The following TSC2 variants were observed in gnomAD, a reference collection of about 807,000 sequenced individuals.
The protein encoded by TSC2 is tuberin.
TSC2 carries 29 observed loss-of-function variants against 202.2 expected under a neutral mutation model. That is an observed-to-expected ratio of 0.14 (90% CI 0.11 to 0.20). The LOEUF (loss-of-function observed/expected upper bound fraction) is 0.20. Among genes scored for constraint, TSC2 ranks in the 10% least tolerant of loss-of-function variants. The pLI, the probability that TSC2 is intolerant of heterozygous loss-of-function variation, is 1.00. For missense variants in TSC2, 2,429 were observed against 2,420.0 expected (o/e 1.00, Z -0.08); for synonymous variants, 1,349 against 1,044.0 (o/e 1.29, Z -5.63).
intron 22 of TSC2, 77 bp downstream of exon 22, chr16:2,074,466 C>T (rs1298293730): frequency 9.7e-6 from 15 of 1,552,226 alleles, no homozygotes; most frequent in Non-Finnish European, 1.3e-5. Flanking sequence ...CTGGTGCCCT[C>T]TCTCAGGACT....
At chr16:2,074,026 C>T (rs2088884441) in intron 21 of TSC2, among the ~76,000 whole-genome samples, 174 bp from the exon 22 acceptor site, 1 of 152,276 alleles carries the variant, frequency 6.6e-6, no homozygotes, top group South Asian at 2.1e-4. Context: ...CCGGAGCAGT[C>T]TGCTGTGCAG....
At chr16:2,058,570 T>C (rs926180130) in intron 9 of TSC2, among the ~76,000 whole-genome samples, 177 bp from the exon 10 acceptor site, 1 of 152,046 alleles carries the variant, frequency 6.6e-6, no homozygotes, top group Admixed American at 6.5e-5. Flanking sequence ...TGCGCAGGAG[T>C]GAACAAGAGT....
intron 38 of TSC2, among the ~76,000 whole-genome samples, chr16:2,087,545 C>T (rs569320625): frequency 8.4e-4 from 127 of 151,552 alleles, no homozygotes; most frequent in African/African-American, 2.5e-3. Flanking sequence ...ATGGGGTGCA[C>T]GGCTCACTTC....
rs147719291 is a variant in TSC2 at position 2,084,438 on chromosome 16, G to A, written c.4216G>A (p.Asp1406Asn). 53 of 1,609,344 alleles carry A rather than the reference G, an allele frequency of 3.3e-5. No individual in the cohort carries two copies. The highest frequency in any genetic ancestry group is 1.8e-4 in the Admixed American group (11 of 59,708). Reference sequence around the variant, plus strand: ...CCTCGGGGACCCTGGGGACAAGGCCGACGTGGGCCGGCTGAGCCCTGAGGT... The same window carrying A: ...CCTCGGGGACCCTGGGGACAAGGCCAACGTGGGCCGGCTGAGCCCTGAGGT... ...DILGDPGDKA[D>N]VGRLSPEVKA... The change falls in exon 34 of 42, where the codon GAC (aspartate) becomes AAC (asparagine). Residue 1406 changes from aspartate to asparagine, a missense_variant. Physicochemically the swap from Asp to Asn is conservative, Grantham distance 23. Coordinates refer to ENST00000219476, the MANE Select transcript of TSC2 (RefSeq NM_000548.5).
In TSC2 at chr16:2,072,231, C is replaced by G. The variant is rs754375630; in HGVS notation, c.2098-10C>G. ...AGAAGGCCCTGTCCTGACGCCTCCT[C>G]TCCTCGCAGGAGTCTGACTGGAAGG... On this transcript the variant is annotated splice_polypyrimidine_tract_variant and intron_variant, in intron 19 of 41. Coordinates refer to ENST00000219476, the MANE Select transcript of TSC2 (RefSeq NM_000548.5). 2 of 1,613,988 alleles carry G rather than the reference C, an allele frequency of 1.2e-6. No individual in the cohort carries two copies. Among genetic ancestry groups the G allele is most frequent in the South Asian group, 1.1e-5 (1 of 91,082 alleles).
chr16:2,081,493 C>A, intron 30 of TSC2, 102 bp from the exon 31 acceptor site: 1 of 1,439,446 alleles, frequency 6.9e-7, no homozygotes, highest in Non-Finnish European at 9.8e-7. Context: ...TGGGAGGGAG[C>A]ATGAGGGCAA....
chr16:2,069,256 C>T (rs924070471), intron 16 of TSC2, among the ~76,000 whole-genome samples: 15 of 152,040 alleles, frequency 9.9e-5, no homozygotes, highest in Non-Finnish European at 1.3e-4. Flanking sequence ...CTTTTTTGTC[C>T]GAGGAAGGGA....
At chr16:2,085,461 C>A in intron 36 of TSC2, 139 bp downstream of exon 36, 1 of 946,904 alleles carries the variant, frequency 1.1e-6, no homozygotes, top group Non-Finnish European at 1.6e-6. Flanking sequence ...GCTCATTGAG[C>A]TCTGTGCCAG....
chr16:2,086,040 T>C (rs916863170), intron 36 of TSC2, among the ~76,000 whole-genome samples, 153 bp from the exon 37 acceptor site: 5 of 152,136 alleles, frequency 3.3e-5, no homozygotes. Context: ...TGACACCCGA[T>C]GTCTGGCCTG....
At chr16:2,049,781 G>A (rs1243317356) in intron 2 of TSC2, among the ~76,000 whole-genome samples, 17 of 151,558 alleles carry the variant, frequency 1.1e-4, no homozygotes, top group Admixed American at 1.1e-3. Context: ...CCGTGATCGC[G>A]CCACTGCACT....
rs767655384 is a variant in TSC2, at chr16:2,079,397, T to C, written c.3253T>C (p.Ser1085Pro). Reference sequence around the variant, plus strand: ...GACCCGGTCGTTACTAGGCCTGGACTCGGGGGAGCTGCAGTCCGGCCCGGA... The same window carrying C: ...GACCCGGTCGTTACTAGGCCTGGACCCGGGGGAGCTGCAGTCCGGCCCGGA... The part of the protein sequence containing the change: ...TGTRSLLGLD[S>P]GELQSGPESS... The change falls in exon 28 of 42, where the codon TCG (serine) becomes CCG (proline). Residue 1085 changes from serine to proline, a missense_variant. By Grantham distance (74) the Ser-to-Pro change is moderately conservative (BLOSUM62 -1). Transcript: ENST00000219476. This position sits in a 1 kb window ranked among gnomAD's most constrained non-coding sequence, Gnocchi z 4.6. 3 of 1,612,246 alleles carry C rather than the reference T, an allele frequency of 1.9e-6. No individual in the cohort carries two copies. In the East Asian group the frequency reaches 6.7e-5, roughly 36 times the overall value.
At chr16:2,071,439 G>T in intron 17 of TSC2, 71 bp from the exon 18 acceptor site, 1 of 1,551,394 alleles carries the variant, frequency 6.4e-7, no homozygotes, top group South Asian at 1.1e-5. Flanking sequence ...GTGGGTCTGA[G>T]CAGGTGGGAC....
At chr16:2,056,871 A>G (rs2151084299) in intron 8 of TSC2, 102 bp downstream of exon 8, 1 of 1,572,894 alleles carries the variant, frequency 6.4e-7, no homozygotes, top group African/African-American at 1.3e-5. Flanking sequence ...TGGGGTGGCC[A>G]GACAATGGCC....
intron 25 of TSC2, among the ~76,000 whole-genome samples, chr16:2,076,942 G>A (rs996216633): frequency 2.0e-5 from 3 of 152,188 alleles, no homozygotes; most frequent in Non-Finnish European, 4.4e-5. Flanking sequence ...CATCACCGCC[G>A]CCTTGCCGGA....
intron 22 of TSC2, among the ~76,000 whole-genome samples, chr16:2,075,448 A>T (rs959139307): frequency 3.5e-5 from 5 of 142,482 alleles, no homozygotes; most frequent in African/African-American, 1.4e-4. Context: ...AATGGCGTGA[A>T]CCCAGGGGGT....
At chr16:2,082,331 G>A (rs994366294) in intron 31 of TSC2, 105 bp from the exon 32 acceptor site, 1 of 1,379,370 alleles carries the variant, frequency 7.2e-7, no homozygotes, top group South Asian at 1.2e-5. Flanking sequence ...GCCGGCCGCT[G>A]GCCCTGCCCT....
intron 30 of TSC2, chr16:2,080,795 A>G (rs988691386): frequency 9.0e-6 from 2 of 223,396 alleles, no homozygotes; most frequent in Non-Finnish European, 1.8e-5. Context: ...TTTGGGGGTA[A>G]CTTGTAAGTC....
intron 3 of TSC2, among the ~76,000 whole-genome samples, 159 bp from the exon 4 acceptor site, chr16:2,053,183 G>C (rs2085338733): frequency 6.6e-6 from 1 of 152,204 alleles, no homozygotes; most frequent in Non-Finnish European, 1.5e-5. Context: ...GTCATCTCAG[G>C]CTGCAGGAGA....
chr16:2,054,595 G>A (rs537090233), intron 5 of TSC2, 155 bp downstream of exon 5: 2 of 1,142,740 alleles, frequency 1.8e-6, no homozygotes, highest in South Asian at 2.5e-5. Flanking sequence ...TCACCTGCGT[G>A]GCCGGAGTGC....
Sources: allele counts gnomAD v4.1 joint callset (sites outside exome capture counted in the v4.1 genomes callset), GRCh38; gene constraint gnomAD v4.1.1; non-coding constraint Gnocchi (gnomAD v3.1); transcripts MANE v1.5; gene names NCBI Gene and HGNC (gene_info 2026-07-23, HGNC 2026-07-21).